Variants in PCDHA6 observed in about 807,000 individuals in gnomAD.
The protein encoded by PCDHA6 is protocadherin alpha 6.
A neutral mutation model predicts 60.3 loss-of-function variants in PCDHA6; 55 were observed. That is an observed-to-expected ratio of 0.91 (90% confidence interval 0.73 to 1.14). PCDHA6 has a LOEUF of 1.14. PCDHA6 is among the 50% of genes most tolerant of loss of function. The pLI is 0.00. For missense variants in PCDHA6, 1,327 were observed against 1,256.5 expected (o/e 1.06, Z -0.85); for synonymous variants, 652 against 557.9 (o/e 1.17, Z -2.38).
intron 1 of PCDHA6, among the ~76,000 whole-genome samples, chr5:140,924,926 TAAAATAAAATAAAAA>T (rs1425116753): frequency 8.4e-6 from 1 of 119,430 alleles, no homozygotes; most frequent in Non-Finnish European, 1.8e-5. Flanking sequence ...TAAAATAAAA[TAAAATAAAATAAAAA>T]GTTAAAAAAA....
chr5:140,965,435 T>C (rs1327952223), intron 1 of PCDHA6, among the ~76,000 whole-genome samples: 1 of 151,992 alleles, frequency 6.6e-6, no homozygotes, highest in Non-Finnish European at 1.5e-5. Context: ...CTGCAGTCAT[T>C]GAAATTGCTG....
chr5:140,928,860 G>T, intron 1 of PCDHA6: 8 of 1,614,154 alleles, frequency 5.0e-6, no homozygotes, highest in Non-Finnish European at 6.8e-6. Flanking sequence ...GTGTGCTGTT[G>T]AGCAACTCTG....
chr5:140,856,518 C>T, intron 1 of PCDHA6: 1 of 1,598,510 alleles, frequency 6.3e-7, no homozygotes, highest in Non-Finnish European at 8.6e-7. Flanking sequence ...GAAGGCGCAT[C>T]TGATGCGGAT....
intron 1 of PCDHA6, among the ~76,000 whole-genome samples, chr5:140,844,460 A>T (rs1188717335): frequency 6.7e-6 from 1 of 148,896 alleles, no homozygotes; most frequent in Non-Finnish European, 1.5e-5. Context: ...TCGCCAACTT[A>T]ACATTTTTTG....
chr5:140,905,493 T>C (rs185992010), intron 1 of PCDHA6, among the ~76,000 whole-genome samples: 10 of 152,288 alleles, frequency 6.6e-5, no homozygotes, highest in Non-Finnish European at 1.5e-4. Context: ...CTTCTTTTTG[T>C]TTTGTATTGC....
chr5:140,941,194 TC>T lies in PCDHA6; in HGVS notation c.2395-37754del, dbSNP rs1420421121. 9.3e-3 allele frequency among the ~76,000 whole-genome samples: 1,044 copies of T among 112,328 alleles called. 8 individuals carry two copies. The highest frequency in any genetic ancestry group is 0.018 in the Admixed American group (200 of 11,012). 73.7% of individuals were successfully genotyped at this position (112,328 alleles called of 152,430 possible). The stretch of plus-strand genomic sequence containing the variant: ...CTTGAACATCCTGCTTCTTTTTTTT[TC>T]TTTCTTCCTTTCTTTCTTCCTTTCT... On this transcript the variant is annotated intron_variant, in intron 1 of 3. Coordinates refer to ENST00000529310, the MANE Select transcript of PCDHA6 (RefSeq NM_018909.4).
intron 1 of PCDHA6, among the ~76,000 whole-genome samples, chr5:140,879,660 G>A (rs994440632): frequency 1.3e-5 from 2 of 152,154 alleles, no homozygotes; most frequent in East Asian, 1.9e-4. Flanking sequence ...TATAACAAAC[G>A]AACACAAACT....
Position 140,851,117 on chromosome 5 carries a change from T to C in PCDHA6, c.2394+20632T>C, listed in dbSNP as rs932245132. 14 of 1,306,346 alleles carry C rather than the reference T, an allele frequency of 1.1e-5. No homozygotes were observed. The African/African-American group carries it at 2.0e-4, about 19-fold the overall frequency. 80.9% of individuals were successfully genotyped at this position (1,306,346 alleles called of 1,614,324 possible). On this transcript the variant is annotated intron_variant, in intron 1 of 3. Transcript: ENST00000529310. ...ATATTTTTTGGGTGCTGAATCAATT[T>C]TATTTAAATTTGTGATTAAAGTGAC... is the stretch of plus-strand genomic sequence containing the variant.
At chr5:140,840,420 G>T (rs1446278635) in intron 1 of PCDHA6, among the ~76,000 whole-genome samples, 1 of 151,882 alleles carries the variant, frequency 6.6e-6, no homozygotes, top group Non-Finnish European at 1.5e-5. Context: ...CAAATAATAG[G>T]CTAGTTTAAA....
intron 1 of PCDHA6, among the ~76,000 whole-genome samples, chr5:140,894,005 G>A (rs1365314012): frequency 6.6e-6 from 1 of 152,072 alleles, no homozygotes; most frequent in Non-Finnish European, 1.5e-5. Context: ...TGTATGGTTG[G>A]TTCAAATTAC....
chr5:140,934,239 T>C (rs2089722399), intron 1 of PCDHA6, among the ~76,000 whole-genome samples: 1 of 152,146 alleles, frequency 6.6e-6, no homozygotes, highest in Non-Finnish European at 1.5e-5. Context: ...TACTTAATTG[T>C]GGAGATTTAT....
chr5:140,841,877 A>T, intron 1 of PCDHA6: 1 of 1,613,820 alleles, frequency 6.2e-7, no homozygotes, highest in Non-Finnish European at 8.5e-7. Flanking sequence ...GAATTCAAAG[A>T]ACGATGAGAA....
chr5:140,908,455 A>G (rs1425485479), intron 1 of PCDHA6, among the ~76,000 whole-genome samples: 7 of 152,178 alleles, frequency 4.6e-5, no homozygotes, highest in South Asian at 4.1e-4. Flanking sequence ...GGCTAGATGG[A>G]TCAGAAAGCA....
intron 1 of PCDHA6, chr5:140,841,760 A>C: frequency 6.2e-7 from 1 of 1,613,864 alleles, no homozygotes; most frequent in Non-Finnish European, 8.5e-7. Flanking sequence ...AGAATCCAGA[A>C]TGCCAGACTC....
At chr5:140,856,023 G>A in intron 1 of PCDHA6, 2 of 1,556,224 alleles carry the variant, frequency 1.3e-6, no homozygotes, top group Non-Finnish European at 8.7e-7. Context: ...CTGATTCGTC[G>A]ATTTGTAAAA....
intron 1 of PCDHA6, chr5:140,836,141 C>G (rs2150253789): frequency 3.1e-6 from 5 of 1,613,766 alleles, no homozygotes; most frequent in Non-Finnish European, 4.2e-6. Flanking sequence ...GGTCTGTGGG[C>G]GCGGGCCATG....
In PCDHA6 at chr5:141,011,141, A is replaced by G. The variant is rs1039778930; in HGVS notation, c.*1204A>G. 3.9e-5 allele frequency: 6 copies of G among 153,668 alleles called. No homozygotes were observed. In the Admixed American group the frequency reaches 3.9e-4, roughly 10 times the overall value. The allele number at this position is 153,668 out of a possible 1,614,324, so 9.5% of individuals were successfully genotyped here. On this transcript the variant is annotated 3_prime_UTR_variant, in exon 4 of 4. Coordinates refer to ENST00000529310, the MANE Select transcript of PCDHA6 (RefSeq NM_018909.4). Reference sequence around the variant, plus strand: ...ACAATTATGTGCACTTTGATACACAACCTTCTCTAACCAACTATATATCAA... The same window carrying G: ...ACAATTATGTGCACTTTGATACACAGCCTTCTCTAACCAACTATATATCAA...
rs75203598 is a variant in PCDHA6, at chr5:140,915,428, C to T, written c.2395-63521C>T. 8.0e-3 allele frequency among the ~76,000 whole-genome samples: 1,217 copies of T among 152,162 alleles called. 6 individuals are homozygous for T. The highest frequency in any genetic ancestry group is 0.019 in the African/African-American group (786 of 41,514). On this transcript the variant is annotated intron_variant, in intron 1 of 3. Transcript: ENST00000529310. The stretch of plus-strand genomic sequence containing the variant: ...TCTTTGCAGTCTGGGCTTGTTTATC[C>T]CTGTCCTTCTTGAGAAGGTTTTCCA...
intron 1 of PCDHA6, among the ~76,000 whole-genome samples, chr5:140,924,936 TAAAAA>T (rs2082205335): frequency 8.1e-6 from 1 of 123,442 alleles, no homozygotes; most frequent in East Asian, 2.8e-4. Context: ...TAAAATAAAA[TAAAAA>T]GTTAAAAAAA....
Sources: allele counts gnomAD v4.1 joint callset (sites outside exome capture counted in the v4.1 genomes callset), GRCh38; gene constraint gnomAD v4.1.1; transcripts MANE v1.5; gene names NCBI Gene and HGNC (gene_info 2026-07-23, HGNC 2026-07-21).